TNFRSF25: variants seen among roughly 807,000 people sequenced by gnomAD.
The protein encoded by TNFRSF25 is TNF receptor superfamily member 25.
TNFRSF25 carries 28 observed loss-of-function variants against 49.4 expected under a neutral mutation model. The ratio of observed to expected loss-of-function variants is 0.57; its 90% CI spans 0.42 to 0.78. The LOEUF (loss-of-function observed/expected upper bound fraction) is 0.78, where lower values mean the gene tolerates loss of function less well. Among genes scored for constraint, TNFRSF25 ranks in the 30% least tolerant of loss-of-function variants. The probability of loss-of-function intolerance (pLI) is 0.00; values close to 1 mark genes in which losing one functional copy is unlikely to be tolerated. For synonymous variants in TNFRSF25, 240 were observed against 234.2 expected (o/e 1.02, Z -0.23); for missense variants, 531 against 581.6 (o/e 0.91, Z 0.90).
chr1:6,462,432 G>A lies in TNFRSF25; in HGVS notation c.744+197C>T, dbSNP rs955963340. The A allele has an allele frequency of 1.0e-5, 14 of 1,356,844 alleles. No homozygotes were observed. The Admixed American group carries it at 2.9e-4, about 28-fold the overall frequency. 84.1% of individuals were successfully genotyped at this position (1,356,844 alleles called of 1,614,324 possible). A position where few individuals can be genotyped will look rare whatever the true frequency, so the allele number is the denominator to read the frequency against. ...CATTGAACTGTTAGCTCCTGTGTAC[G>A]AATCTGAACTCCAGCTGACTGAGCA... On this transcript the variant is annotated intron_variant, in intron 8 of 9. Transcript: ENST00000356876. This position sits in a 1 kb window ranked among gnomAD's most constrained non-coding sequence, Gnocchi z 4.2.
chr1:6,461,138 C>A lies in TNFRSF25; in HGVS notation c.*296G>T, dbSNP rs1414761386. 1 of 631,508 alleles carries A rather than the reference C, an allele frequency of 1.6e-6. No homozygotes were observed. Among genetic ancestry groups the A allele is most frequent in the South Asian group, 1.5e-5 (1 of 66,008 alleles). The allele number at this position is 631,508 out of a possible 1,614,324, so 39.1% of individuals were successfully genotyped here. A position where few individuals can be genotyped will look rare whatever the true frequency, so the allele number is the denominator to read the frequency against. On this transcript the variant is annotated 3_prime_UTR_variant, in exon 10 of 10. Transcript: ENST00000356876. This position sits in a 1 kb window ranked among gnomAD's most constrained non-coding sequence, Gnocchi z 6.3. ...ACTTAACACCCCAGCCCCGCAGAAA[C>A]GCCAAGAAGCCGTTTTTGTTTTGTT... is the stretch of plus-strand genomic sequence containing the variant.
At position 6,466,173 on chromosome 1, in the gene TNFRSF25, C is replaced by T. The variant is rs1644368487; in HGVS notation, c.-66G>A. On this transcript the variant is annotated 5_prime_UTR_variant, in exon 1 of 10. Coordinates refer to ENST00000356876, the MANE Select transcript of TNFRSF25 (RefSeq NM_003790.3). Reference sequence around the variant, plus strand: ...TCTCTGCCCGTCGTGGTTCCGCCTTCAGCCCCGCGCCCGCAGGGCCCGCCC... The same window carrying T: ...TCTCTGCCCGTCGTGGTTCCGCCTTTAGCCCCGCGCCCGCAGGGCCCGCCC... 7.5e-7 allele frequency: 1 copy of T among 1,340,168 alleles called. No homozygotes were observed. Among genetic ancestry groups the T allele is most frequent in the Admixed American group, 4.1e-5 (1 of 24,522 alleles). 83.0% of individuals were successfully genotyped at this position (1,340,168 alleles called of 1,614,324 possible).
chr1:6,465,734 G>T, intron 1 of TNFRSF25, 174 bp from the exon 2 acceptor site: 1 of 1,432,386 alleles, frequency 7.0e-7, no homozygotes, highest in Non-Finnish European at 9.1e-7. Context: ...TTCCCCCCGC[G>T]CACACACCAG....
rs1644193147 is a variant in TNFRSF25, at chr1:6,462,103, G to A, written c.816C>T (p.Cys272=). 5.0e-6 allele frequency: 8 copies of A among 1,613,990 alleles called. No individual in the cohort carries two copies. Among genetic ancestry groups the A allele is most frequent in the Middle Eastern group, 1.7e-4 (1 of 6,058 alleles). Residue 272 remains cysteine (C), a synonymous_variant, in exon 9 of 10, where the codon TGC becomes TGT. Coordinates refer to ENST00000356876, the MANE Select transcript of TNFRSF25 (RefSeq NM_003790.3). The surrounding 1 kb of genome is among the most constrained non-coding windows in gnomAD (Gnocchi z 4.2). ...AGCTGTTACCCACCAACTGGACGGT[G>A]CAGATCTTCTCACTGCTGTCAGGAG... ...LAPPDSSEKI[C]TVQLVGNSWT... is the part of the protein sequence containing the mutation.
rs1644263368 is a variant in TNFRSF25, at chr1:6,464,163, G to GAT, written c.542+211_542+212insAT. ...GGGGGGAATGCTGGCTGAAAGTGAA[G>GAT]GCAAATACCCTTATGTATCTGGCTA... On this transcript the variant is annotated intron_variant, in intron 5 of 9. Coordinates refer to ENST00000356876, the MANE Select transcript of TNFRSF25 (RefSeq NM_003790.3). The GAT allele has an allele frequency of 2.8e-5, 40 of 1,424,168 alleles. No individual in the cohort carries two copies. In the South Asian group the frequency reaches 5.4e-4, roughly 19 times the overall value. 88.2% of individuals were successfully genotyped at this position (1,424,168 alleles called of 1,614,324 possible). A position where few individuals can be genotyped will look rare whatever the true frequency, so the allele number is the denominator to read the frequency against.
At position 6,461,884 on chromosome 1, in the gene TNFRSF25, G is replaced by T; in HGVS notation, c.925+110C>A. The T allele has an allele frequency of 6.8e-7, 1 of 1,476,168 alleles. No individual in the cohort carries two copies. Among genetic ancestry groups the T allele is most frequent in the Non-Finnish European group, 9.0e-7 (1 of 1,116,092 alleles). 91.4% of individuals were successfully genotyped at this position (1,476,168 alleles called of 1,614,324 possible). On this transcript the variant is annotated intron_variant, in intron 9 of 9. Coordinates refer to ENST00000356876, the MANE Select transcript of TNFRSF25 (RefSeq NM_003790.3). The surrounding 1 kb of genome is among the most constrained non-coding windows in gnomAD (Gnocchi z 6.3). Reference sequence around the variant, plus strand: ...GCTGGATCCGGTGGGTCAGGGCATAGGGCGGACTCCGTCAGTTAGGGGGCA... The same window carrying T: ...GCTGGATCCGGTGGGTCAGGGCATATGGCGGACTCCGTCAGTTAGGGGGCA...
chr1:6,461,774 C>A lies in TNFRSF25; in HGVS notation c.926-12G>T. On this transcript the variant is annotated splice_polypyrimidine_tract_variant and intron_variant, in intron 9 of 9. Transcript: ENST00000356876. This position sits in a 1 kb window ranked among gnomAD's most constrained non-coding sequence, Gnocchi z 6.3. ...CGCAGCAGCGGGGCCTGGGGCAGGG[C>A]CAGAGAGAGCCAATTGGGGTACGTG... is the stretch of plus-strand genomic sequence containing the variant. The A allele has an allele frequency of 6.7e-7, 1 of 1,502,300 alleles. No homozygotes were observed. The highest frequency in any genetic ancestry group is 8.9e-7 in the Non-Finnish European group (1 of 1,127,208). The allele number at this position is 1,502,300 out of a possible 1,614,324, so 93.1% of individuals were successfully genotyped here. A position where few individuals can be genotyped will look rare whatever the true frequency, so the allele number is the denominator to read the frequency against.
intron 5 of TNFRSF25, chr1:6,463,921 GTATT>G (rs970189098): frequency 5.4e-6 from 1 of 185,790 alleles, no homozygotes; most frequent in Non-Finnish European, 1.0e-5. Flanking sequence ...TCAGCCCTTT[GTATT>G]TATTTATTTA....
Position 6,465,188 on chromosome 1 carries a change from G to C in TNFRSF25, c.195C>G (p.Cys65Trp). Residue 65 changes from cysteine (C) to tryptophan (W), a missense_variant, in exon 3 of 10, where the codon TGC (cysteine) becomes TGG (tryptophan). Cys to Trp is a radical substitution (Grantham distance 215, BLOSUM62 -2). Transcript: ENST00000356876. Reference sequence around the variant, plus strand: ...GACACACAAGGCAGGTGGAGTTGCCGCAGGGCTCCGTGCAAGGGGCCTTCA... The same window carrying C: ...GACACACAAGGCAGGTGGAGTTGCCCCAGGGCTCCGTGCAAGGGGCCTTCA... ...HYLKAPCTEP[C>W]GNSTCLVCPQ... The C allele has an allele frequency of 6.2e-7, 1 of 1,613,104 alleles. No individual in the cohort carries two copies. The highest frequency in any genetic ancestry group is 8.5e-7 in the Non-Finnish European group (1 of 1,179,836).
chr1:6,464,538 G>C lies in TNFRSF25; in HGVS notation c.463+14C>G. Reference sequence around the variant, plus strand: ...GGGGTCTGGGAGTAGAGAGCCCTGGGTGGGGGTACTCACAGAGTAGCCGTG... The same window carrying C: ...GGGGTCTGGGAGTAGAGAGCCCTGGCTGGGGGTACTCACAGAGTAGCCGTG... On this transcript the variant is annotated intron_variant, in intron 4 of 9. Transcript: ENST00000356876. 1 of 1,613,998 alleles carries C rather than the reference G, an allele frequency of 6.2e-7. No homozygotes were observed. Among genetic ancestry groups the C allele is most frequent in the Non-Finnish European group, 8.5e-7 (1 of 1,179,924 alleles).
chr1:6,464,563 G>A lies in TNFRSF25; in HGVS notation c.452C>T (p.Thr151Ile), dbSNP rs756903485. The A allele has an allele frequency of 6.2e-7, 1 of 1,614,162 alleles. No homozygotes were observed. The highest frequency in any genetic ancestry group is 8.5e-7 in the Non-Finnish European group (1 of 1,180,026). The change falls in exon 4 of 10, where the codon ACA (threonine) becomes ATA (isoleucine). Residue 151 changes from threonine to isoleucine, a missense_variant. By Grantham distance (89) the Thr-to-Ile change is moderately conservative. Coordinates refer to ENST00000356876, the MANE Select transcript of TNFRSF25 (RefSeq NM_003790.3). ...GTGGGGGTACTCACAGAGTAGCCGT[G>A]TGTGGCGGTGCAGGGCCCCGCAGTC... ...CLDCGALHRH[T>I]RLLCSRRDTD...
intron 2 of TNFRSF25, 41 bp from the exon 3 acceptor site, chr1:6,465,263 C>T: frequency 1.3e-6 from 2 of 1,581,244 alleles, no homozygotes; most frequent in Non-Finnish European, 1.7e-6. Flanking sequence ...GAGGGGCTGC[C>T]CAGCAACCCC....
chr1:6,462,197 G>C lies in TNFRSF25; in HGVS notation c.745-23C>G. ...GGCCTGGAAGCCAAGAGGGGCCCCA[G>C]GTCAGCCCTGCTTGCCAAGTAAGGC... On this transcript the variant is annotated intron_variant, in intron 8 of 9. Transcript: ENST00000356876. The surrounding 1 kb of genome is among the most constrained non-coding windows in gnomAD (Gnocchi z 4.2). The C allele has an allele frequency of 3.8e-6, 6 of 1,584,654 alleles. No individual in the cohort carries two copies. The highest frequency in any genetic ancestry group is 5.2e-6 in the Non-Finnish European group (6 of 1,164,352).
chr1:6,465,283 T>TTCCC, intron 2 of TNFRSF25, 61 bp from the exon 3 acceptor site: 1 of 1,513,258 alleles, frequency 6.6e-7, no homozygotes, highest in Non-Finnish European at 9.0e-7. Flanking sequence ...CCGACCTGCT[T>TTCCC]CCCACCCTGC....
chr1:6,462,727 G>A lies in TNFRSF25; in HGVS notation c.707-61C>T. 1 of 1,601,958 alleles carries A rather than the reference G, an allele frequency of 6.2e-7. No individual in the cohort carries two copies. The highest frequency in any genetic ancestry group is 8.5e-7 in the Non-Finnish European group (1 of 1,173,980). ...GCAAGCCTCCTGGACCTGGGTGCTG[G>A]TACAGCTCCTCTAGGGTTCCTCTGC... is the stretch of plus-strand genomic sequence containing the variant. On this transcript the variant is annotated intron_variant, in intron 7 of 9. Transcript: ENST00000356876. This position sits in a 1 kb window ranked among gnomAD's most constrained non-coding sequence, Gnocchi z 4.2.
intron 5 of TNFRSF25, 52 bp from the exon 6 acceptor site, chr1:6,463,179 G>A: frequency 6.5e-7 from 1 of 1,533,422 alleles, no homozygotes; most frequent in Non-Finnish European, 8.8e-7. Flanking sequence ...GCCAGGAGGG[G>A]CTCCCTAAGA....
intron 3 of TNFRSF25, 66 bp downstream of exon 3, chr1:6,465,022 C>A: frequency 6.4e-7 from 1 of 1,560,648 alleles, no homozygotes; most frequent in Non-Finnish European, 8.7e-7. Context: ...TGGGCCCGAG[C>A]CAGCCACTTC....
Position 6,464,598 on chromosome 1 carries a change from T to C in TNFRSF25, c.417A>G (p.Gln139=), listed in dbSNP as rs1168076314. ...GCAGGGCCCCGCAGTCTAGGCATGG[T>C]TGGCAGTAGAAGGGTGAACTGCTGA... is the stretch of plus-strand genomic sequence containing the variant. ...QCVSSSPFYC[Q]PCLDCGALHR... Residue 139 remains glutamine, a synonymous_variant, in exon 4 of 10, where the codon CAA becomes CAG. Transcript: ENST00000356876. The C allele has an allele frequency of 1.2e-6, 2 of 1,614,010 alleles. No homozygotes were observed. Among genetic ancestry groups the C allele is most frequent in the Non-Finnish European group, 1.7e-6 (2 of 1,180,010 alleles).
In TNFRSF25 at chr1:6,462,622, T is replaced by G. The variant is rs781154060; in HGVS notation, c.744+7A>C. ...GGCAGCCCAGAATCACACAGTGAGG[T>G]TCTTACCGGTGGTGGGGTCAGAGCC... On this transcript the variant is annotated splice_region_variant and intron_variant, in intron 8 of 9. Coordinates refer to ENST00000356876, the MANE Select transcript of TNFRSF25 (RefSeq NM_003790.3). The surrounding 1 kb of genome is among the most constrained non-coding windows in gnomAD (Gnocchi z 4.2). 6.8e-6 allele frequency: 11 copies of G among 1,612,874 alleles called. No homozygotes were observed. The Admixed American group carries it at 8.4e-5, about 12-fold the overall frequency.
Sources: allele counts gnomAD v4.1 joint callset, GRCh38; gene constraint gnomAD v4.1.1; non-coding constraint Gnocchi (gnomAD v3.1); transcripts MANE v1.5; gene names NCBI Gene and HGNC (gene_info 2026-07-23, HGNC 2026-07-21).